Variants in RASAL2 observed in about 807,000 individuals in gnomAD.
RASAL2 encodes RAS protein activator like 2.
A neutral mutation model predicts 128.9 loss-of-function variants in RASAL2; 58 were observed. The observed-to-expected ratio is 0.45, with a 90% CI of 0.36 to 0.56. RASAL2 has a LOEUF of 0.56. RASAL2 is among the 20% of genes least tolerant of loss of function. The pLI, the probability that RASAL2 is intolerant of heterozygous loss-of-function variation, is 0.00. For synonymous variants in RASAL2, 561 were observed against 580.8 expected, an observed-to-expected ratio of 0.97 and a Z score of 0.49; for missense variants, 1,360 against 1,601.6, an observed-to-expected ratio of 0.85 and a Z score of 2.57.
rs191279907 is a variant in RASAL2, at chr1:178,109,582, A to G, written c.202+14888A>G. 5.3e-5 allele frequency among the ~76,000 whole-genome samples: 8 copies of G among 152,324 alleles called. No homozygotes were observed. In the East Asian group the frequency reaches 1.5e-3, roughly 29 times the overall value. ...AACTTAAAGTATGATTCATACACAC[A>G]AAACTGTGAATCAGTTTTGAAATTT... On this transcript the variant is annotated intron_variant, in intron 1 of 17. Coordinates refer to ENST00000367649, the MANE Select transcript of RASAL2 (RefSeq NM_170692.4).
intron 7 of RASAL2, among the ~76,000 whole-genome samples, chr1:178,442,320 C>G (rs929220612): frequency 5.9e-5 from 9 of 152,072 alleles, no homozygotes; most frequent in Non-Finnish European, 1.2e-4. Flanking sequence ...GAAGCTAGTA[C>G]ATGATAGAAG....
chr1:178,374,051 A>G (rs1228937645), intron 3 of RASAL2, among the ~76,000 whole-genome samples: 1 of 152,146 alleles, frequency 6.6e-6, no homozygotes, highest in African/African-American at 2.4e-5. Context: ...AATGTATCCC[A>G]TGCTCTGCTG....
chr1:178,168,136 G>T (rs1661580067), intron 1 of RASAL2, among the ~76,000 whole-genome samples: 1 of 151,990 alleles, frequency 6.6e-6, no homozygotes, highest in Admixed American at 6.6e-5. Context: ...ACCTGCATAT[G>T]TTCTAGTCTT....
At chr1:178,260,525 A>G (rs1241187074) in intron 1 of RASAL2, among the ~76,000 whole-genome samples, 2 of 148,608 alleles carry the variant, frequency 1.3e-5, no homozygotes, top group Admixed American at 1.4e-4. Flanking sequence ...TAAGAATTGT[A>G]GAGTTCTCAT....
intron 2 of RASAL2, among the ~76,000 whole-genome samples, chr1:178,286,300 C>A (rs544284399): frequency 6.6e-6 from 1 of 152,132 alleles, no homozygotes; most frequent in Admixed American, 6.5e-5. Flanking sequence ...AGTGGATGGC[C>A]GTTTTTCCTC....
intron 11 of RASAL2, among the ~76,000 whole-genome samples, chr1:178,453,595 A>G (rs1157596940): frequency 1.3e-5 from 2 of 152,124 alleles, no homozygotes; most frequent in African/African-American, 4.8e-5. Context: ...AACAGCAGAT[A>G]TATTTGGGTA....
chr1:178,454,033 T>G (rs915968057), intron 11 of RASAL2, among the ~76,000 whole-genome samples: 1 of 152,078 alleles, frequency 6.6e-6, no homozygotes, highest in Non-Finnish European at 1.5e-5. Flanking sequence ...AGAGAAGTTT[T>G]TCTCTAGTGC....
intron 1 of RASAL2, among the ~76,000 whole-genome samples, chr1:178,096,676 A>G (rs1005659308): frequency 6.6e-6 from 1 of 151,994 alleles, no homozygotes; most frequent in Non-Finnish European, 1.5e-5. Flanking sequence ...TGTGACACAC[A>G]CATATACATA....
At chr1:178,137,226 G>A (rs1660358058) in intron 1 of RASAL2, among the ~76,000 whole-genome samples, 1 of 152,162 alleles carries the variant, frequency 6.6e-6, no homozygotes, top group Non-Finnish European at 1.5e-5. Flanking sequence ...TCAAAAGCCA[G>A]AGAATAAACT....
At chr1:178,373,110 A>G (rs1671802168) in intron 3 of RASAL2, among the ~76,000 whole-genome samples, 1 of 151,802 alleles carries the variant, frequency 6.6e-6, no homozygotes, top group Admixed American at 6.6e-5. Context: ...AATTCAGTTG[A>G]TCTTCTAATT....
chr1:178,300,882 T>C (rs1320137148), intron 3 of RASAL2, among the ~76,000 whole-genome samples: 1 of 152,220 alleles, frequency 6.6e-6, no homozygotes, highest in Non-Finnish European at 1.5e-5. Flanking sequence ...GTTTTGGTGC[T>C]TTATATTGTT....
intron 1 of RASAL2, among the ~76,000 whole-genome samples, chr1:178,119,808 A>C (rs1558063962): frequency 2.6e-5 from 4 of 152,122 alleles, no homozygotes; most frequent in Admixed American, 6.6e-5. Context: ...AATCCTCTCT[A>C]ACGATTGTGC....
chr1:178,374,561 G>C lies in RASAL2; in HGVS notation c.458-15539G>C, dbSNP rs561243101. ...CAATAACGTAGCTCACTGCTAGTTT[G>C]ATGAAACTTCATACAACTGTGCACT... On this transcript the variant is annotated intron_variant, in intron 3 of 17. Coordinates refer to ENST00000367649, the MANE Select transcript of RASAL2 (RefSeq NM_170692.4). Among the ~76,000 whole-genome samples, 12 of 152,224 alleles carry C rather than the reference G, an allele frequency of 7.9e-5. No individual in the cohort carries two copies. In the South Asian group the frequency reaches 2.1e-3, roughly 26 times the overall value.
intron 1 of RASAL2, among the ~76,000 whole-genome samples, chr1:178,202,486 G>A (rs1056089194): frequency 6.6e-6 from 1 of 152,230 alleles, no homozygotes; most frequent in Non-Finnish European, 1.5e-5. Context: ...GAGGATAGCG[G>A]TGAAGGAAAA....
chr1:178,464,384 A>C lies in RASAL2; in HGVS notation c.3359A>C (p.Asn1120Thr). The C allele has an allele frequency of 5.0e-6, 8 of 1,613,774 alleles. No individual in the cohort carries two copies. Among genetic ancestry groups the C allele is most frequent in the Non-Finnish European group, 6.8e-6 (8 of 1,179,780 alleles). ...YEEDVEETEQ[N>T]LDEAKHAEKY... ...GAGGATGTGGAAGAAACTGAGCAAA[A>C]TCTAGATGAAGCCAAGCATGCTGAG... is the stretch of plus-strand genomic sequence containing the variant. The change falls in exon 15 of 18, where the codon AAT becomes ACT. Residue 1120 changes from asparagine (N) to threonine (T), a missense_variant. This residue lies in a region of RASAL2 where 741 missense variants were observed against 868.6 expected (regional missense o/e 0.85). Coordinates refer to ENST00000367649, the MANE Select transcript of RASAL2 (RefSeq NM_170692.4).
intron 5 of RASAL2, among the ~76,000 whole-genome samples, chr1:178,437,682 A>G (rs1482664488): frequency 6.6e-6 from 1 of 152,080 alleles, no homozygotes; most frequent in East Asian, 1.9e-4. Context: ...TGTTTTGTTT[A>G]AGAAAGATTA....
chr1:178,431,899 ATTG>A (rs1675932801), intron 5 of RASAL2, among the ~76,000 whole-genome samples: 1 of 148,738 alleles, frequency 6.7e-6, no homozygotes, highest in Non-Finnish European at 1.5e-5. Context: ...ATGCAAATAT[ATTG>A]TTATATAAAT....
intron 1 of RASAL2, among the ~76,000 whole-genome samples, chr1:178,214,064 G>A (rs538998047): frequency 3.2e-4 from 48 of 152,098 alleles, no homozygotes; most frequent in African/African-American, 1.1e-3. Flanking sequence ...AGACCAGCCT[G>A]GACAACATCT....
At chr1:178,221,829 G>A (rs1243834486) in intron 1 of RASAL2, among the ~76,000 whole-genome samples, 1 of 152,050 alleles carries the variant, frequency 6.6e-6, no homozygotes, top group Non-Finnish European at 1.5e-5. Context: ...CTGCCCACTG[G>A]ATCTGTCCAT....
Sources: allele counts gnomAD v4.1 joint callset (sites outside exome capture counted in the v4.1 genomes callset), GRCh38; gene constraint gnomAD v4.1.1; regional missense constraint gnomAD v4.1.1; transcripts MANE v1.5; gene names NCBI Gene and HGNC (gene_info 2026-07-23, HGNC 2026-07-21).